MAST4: variants seen among roughly 807,000 people sequenced by gnomAD.
The protein encoded by MAST4 is microtubule associated serine/threonine kinase family member 4, also known as microtubule-associated serine/threonine-protein kinase 4.
In MAST4, 89 loss-of-function variants were observed where a neutral mutation model predicts 162.7. The observed-to-expected ratio is 0.55, with a 90% CI of 0.46 to 0.65. The LOEUF is 0.65. Ranked by LOEUF, MAST4 falls within the 30% of genes least tolerant of loss-of-function variation. The probability of loss-of-function intolerance (pLI) is 0.00; values close to 1 mark genes in which losing one functional copy is unlikely to be tolerated. For synonymous variants in MAST4, 1,479 were observed against 1,361.1 expected (o/e 1.09, Z -1.91); for missense variants, 3,153 against 3,374.0 (o/e 0.93, Z 1.62).
chr5:66,795,692 A>G (rs1409681404), intron 3 of MAST4, among the ~76,000 whole-genome samples: 2 of 151,094 alleles, frequency 1.3e-5, no homozygotes, highest in African/African-American at 4.9e-5. Flanking sequence ...AATTAGGATT[A>G]TCTGTGCTGC....
At chr5:66,780,209 G>GGA (rs762458906) in intron 2 of MAST4, among the ~76,000 whole-genome samples, 55 of 152,090 alleles carry the variant, frequency 3.6e-4, no homozygotes, top group Admixed American at 6.6e-4. Flanking sequence ...CCATTAAACA[G>GGA]GAACTCCCCA....
chr5:66,758,177 C>A (rs369465097), intron 1 of MAST4, among the ~76,000 whole-genome samples: 7 of 151,658 alleles, frequency 4.6e-5, no homozygotes, highest in Admixed American at 1.3e-4. Context: ...AAATACTGAC[C>A]GGCAATGAGT....
At chr5:66,919,933 C>T (rs1250103009) in intron 4 of MAST4, among the ~76,000 whole-genome samples, 2 of 134,896 alleles carry the variant, frequency 1.5e-5, no homozygotes, top group African/African-American at 3.0e-5. Context: ...TCCTTCCTTC[C>T]TTCCTTCCTT....
chr5:67,015,841 G>A (rs1753225628), intron 4 of MAST4, among the ~76,000 whole-genome samples: 1 of 152,152 alleles, frequency 6.6e-6, no homozygotes, highest in Admixed American at 6.5e-5. Flanking sequence ...TTACTGCTTT[G>A]GGAGCTTGTG....
chr5:67,072,713 A>G (rs1224247800), intron 5 of MAST4, among the ~76,000 whole-genome samples: 2 of 152,240 alleles, frequency 1.3e-5, no homozygotes, highest in Admixed American at 6.5e-5. Context: ...TATATTACCA[A>G]CTATGACAAG....
intron 2 of MAST4, among the ~76,000 whole-genome samples, chr5:66,787,201 A>G (rs1184141315): frequency 6.6e-6 from 1 of 152,214 alleles, no homozygotes; most frequent in African/African-American, 2.4e-5. Flanking sequence ...TCCCCTCAAT[A>G]ACTTTACATA....
chr5:66,632,975 TTAAC>T (rs1220905484), intron 1 of MAST4, among the ~76,000 whole-genome samples: 4 of 152,186 alleles, frequency 2.6e-5, no homozygotes, highest in African/African-American at 7.2e-5. Context: ...TTTTCATTAA[TTAAC>T]CAGTAATTTA....
chr5:67,090,002 G>A (rs73117384), intron 5 of MAST4, among the ~76,000 whole-genome samples, 160 bp from the exon 6 acceptor site: 13,915 of 148,592 alleles, frequency 0.094, 738 homozygotes, highest in African/African-American at 0.15. Flanking sequence ...CCTCCCCACC[G>A]CCCACCCCAC....
intron 4 of MAST4, among the ~76,000 whole-genome samples, chr5:66,958,483 C>T (rs1745592898): frequency 6.6e-6 from 1 of 152,156 alleles, no homozygotes; most frequent in South Asian, 2.1e-4. Flanking sequence ...AAGTATACAG[C>T]ACTGCGATCT....
intron 5 of MAST4, 49 bp downstream of exon 5, chr5:67,054,541 G>T: frequency 1.5e-5 from 22 of 1,490,696 alleles, no homozygotes; most frequent in Non-Finnish European, 2.0e-5. Flanking sequence ...TTATTTGTTG[G>T]TTTTTTAAAA....
Position 67,165,263 on chromosome 5 carries a change from G to A in MAST4, c.6084G>A (p.Gln2028=), listed in dbSNP as rs752685726. The part of the protein sequence containing the change: ...VGRTHPDFYT[Q]TQAMEKAWAP... ...GGACCCACCCAGATTTCTATACACA[G>A]ACCCAGGCCATGGAGAAAGCATGGG... Residue 2028 remains glutamine, a synonymous_variant, in exon 29 of 29, where the codon CAG becomes CAA. Coordinates refer to ENST00000403625, the MANE Select transcript of MAST4 (RefSeq NM_001164664.2). 9.9e-6 allele frequency: 16 copies of A among 1,613,164 alleles called. No homozygotes were observed. The East Asian group carries it at 3.3e-4, about 34-fold the overall frequency.
chr5:66,895,934 G>C (rs1762655761), intron 3 of MAST4, among the ~76,000 whole-genome samples: 1 of 151,992 alleles, frequency 6.6e-6, no homozygotes, highest in African/African-American at 2.4e-5. Context: ...CAAAATGTTG[G>C]CATCATATAT....
At chr5:66,857,775 C>T (rs977984114) in intron 3 of MAST4, among the ~76,000 whole-genome samples, 1 of 152,040 alleles carries the variant, frequency 6.6e-6, no homozygotes, top group Non-Finnish European at 1.5e-5. Flanking sequence ...TTAGAAATAT[C>T]TTATTTCAGT....
intron 4 of MAST4, among the ~76,000 whole-genome samples, chr5:66,976,078 G>A (rs1436822848): frequency 1.3e-5 from 2 of 152,194 alleles, no homozygotes; most frequent in East Asian, 3.8e-4. Context: ...ATGGAGAAGA[G>A]AATCCCTTGC....
At chr5:67,019,683 G>T (rs1338871793) in intron 4 of MAST4, among the ~76,000 whole-genome samples, 2 of 152,112 alleles carry the variant, frequency 1.3e-5, no homozygotes, top group Non-Finnish European at 2.9e-5. Context: ...TGCTTTTTTA[G>T]GGAAGTAGCT....
At chr5:66,737,171 G>T (rs1752205148) in intron 1 of MAST4, among the ~76,000 whole-genome samples, 1 of 152,166 alleles carries the variant, frequency 6.6e-6, no homozygotes, top group Admixed American at 6.5e-5. Context: ...AATTCAGGAA[G>T]GTGCAGCCAG....
chr5:67,063,234 G>C (rs142532884), intron 5 of MAST4, among the ~76,000 whole-genome samples: 33 of 151,382 alleles, frequency 2.2e-4, no homozygotes, highest in Admixed American at 9.2e-4. Flanking sequence ...TGCCCTTCCT[G>C]CTTAAGGAAA....
chr5:66,660,423 T>C (rs993328523), intron 1 of MAST4, among the ~76,000 whole-genome samples: 6 of 152,190 alleles, frequency 3.9e-5, no homozygotes, highest in Non-Finnish European at 8.8e-5. Flanking sequence ...AGAGATGTGG[T>C]TCACTGCTAT....
chr5:66,690,425 C>T (rs190538483), intron 1 of MAST4, among the ~76,000 whole-genome samples: 17 of 152,216 alleles, frequency 1.1e-4, no homozygotes, highest in Non-Finnish European at 1.5e-4. Context: ...TTTCATTGTC[C>T]GGGATTAGAA....
Sources: gnomAD v4.1 joint callset for allele counts (sites outside exome capture counted in the v4.1 genomes callset) on GRCh38, gnomAD v4.1.1 for gene constraint, MANE v1.5 for transcripts, NCBI Gene and HGNC (gene_info 2026-07-23, HGNC 2026-07-21) for gene names.